DLGAP2: variants seen among roughly 807,000 people sequenced by gnomAD.
The protein encoded by DLGAP2 is disks large-associated protein 2.
DLGAP2 carries 26 observed loss-of-function variants against 100.3 expected under a neutral mutation model. The observed-to-expected ratio is 0.26, with a 90% confidence interval of 0.19 to 0.36. DLGAP2 has a LOEUF of 0.36. Ranked by LOEUF, DLGAP2 falls within the 10% of genes least tolerant of loss-of-function variation. DLGAP2 has a pLI of 1.00. For missense variants in DLGAP2, 1,858 were observed against 1,453.2 expected, an observed-to-expected ratio of 1.28 and a Z score of -4.53; for synonymous variants, 886 against 630.1, an observed-to-expected ratio of 1.41 and a Z score of -6.08.
intron 3 of DLGAP2, among the ~76,000 whole-genome samples, chr8:1,340,897 C>G (rs147263231): frequency 6.6e-6 from 1 of 152,282 alleles, no homozygotes; most frequent in Non-Finnish European, 1.5e-5. Context: ...GAATACTATG[C>G]AGACATAAAA....
intron 3 of DLGAP2, among the ~76,000 whole-genome samples, chr8:1,437,322 C>G (rs145096568): frequency 6.6e-6 from 1 of 152,242 alleles, no homozygotes; most frequent in Non-Finnish European, 1.5e-5. Context: ...TGTATCAGTG[C>G]GCTCCACAAT....
chr8:1,504,571 T>A (rs1007409632), intron 4 of DLGAP2, among the ~76,000 whole-genome samples: 1 of 152,204 alleles, frequency 6.6e-6, no homozygotes, highest in Non-Finnish European at 1.5e-5. Context: ...CTCTCTCTGT[T>A]GACCACTGTT....
chr8:1,549,697 C>A lies in DLGAP2; in HGVS notation c.1230+14C>A. ...CACTACCTCCAGGTAAGCAGGCTCA[C>A]GGCCCTGTGGAGGCCGTCTCGGCAC... is the stretch of plus-strand genomic sequence containing the variant. On this transcript the variant is annotated intron_variant, in intron 5 of 14. Transcript: ENST00000637795. 6.5e-7 allele frequency: 1 copy of A among 1,533,430 alleles called. No homozygotes were observed. 95.0% of individuals were successfully genotyped at this position (1,533,430 alleles called of 1,614,324 possible).
At chr8:1,268,929 C>T (rs930356426) in intron 3 of DLGAP2, among the ~76,000 whole-genome samples, 9 of 152,120 alleles carry the variant, frequency 5.9e-5, no homozygotes, top group South Asian at 2.1e-4. Flanking sequence ...CCAGAGCCAA[C>T]GGCAGTGGAA....
At chr8:1,286,047 A>G (rs151144378) in intron 3 of DLGAP2, among the ~76,000 whole-genome samples, 2,590 of 152,228 alleles carry the variant, frequency 0.017, 28 homozygotes, top group South Asian at 0.036. Context: ...CTGTGACTGC[A>G]CCGAAATCTC....
At chr8:1,352,457 G>A (rs1246867046) in intron 3 of DLGAP2, among the ~76,000 whole-genome samples, 1 of 152,114 alleles carries the variant, frequency 6.6e-6, no homozygotes, top group Non-Finnish European at 1.5e-5. Context: ...GTCACCGCTG[G>A]GTCTCAGCTC....
chr8:1,268,539 A>G (rs117351225), intron 3 of DLGAP2, among the ~76,000 whole-genome samples: 1 of 152,168 alleles, frequency 6.6e-6, no homozygotes, highest in South Asian at 2.1e-4. Context: ...AAATGAGAAC[A>G]TCATTCGTGC....
intron 3 of DLGAP2, among the ~76,000 whole-genome samples, chr8:1,496,948 G>T (rs1227992439): frequency 6.6e-6 from 1 of 151,826 alleles, no homozygotes; most frequent in Non-Finnish European, 1.5e-5. Flanking sequence ...GTCACACGTT[G>T]TGGAGTATGG....
At chr8:1,668,699 G>A (rs759513580) in intron 9 of DLGAP2, 21 bp downstream of exon 9, 34 of 1,500,398 alleles carry the variant, frequency 2.3e-5, no homozygotes, top group African/African-American at 4.2e-5. Context: ...TTGGCCGCCC[G>A]TCAGGGCCTC....
At chr8:1,026,293 C>T (rs1181012418) in intron 2 of DLGAP2, among the ~76,000 whole-genome samples, 1 of 152,198 alleles carries the variant, frequency 6.6e-6, no homozygotes, top group African/African-American at 2.4e-5. Flanking sequence ...CCCCATGACC[C>T]CAACGCTTTG....
intron 6 of DLGAP2, among the ~76,000 whole-genome samples, chr8:1,585,598 C>T (rs970162601): frequency 3.9e-5 from 6 of 152,328 alleles, no homozygotes; most frequent in Admixed American, 1.3e-4. Flanking sequence ...TTTAACCCAA[C>T]TGTGCCATTG....
intron 3 of DLGAP2, among the ~76,000 whole-genome samples, chr8:1,309,572 A>G (rs977125682): frequency 1.1e-4 from 17 of 152,232 alleles, no homozygotes; most frequent in Admixed American, 3.3e-4. Flanking sequence ...TTGCTCTACA[A>G]GAATGCGAAA....
intron 1 of DLGAP2, among the ~76,000 whole-genome samples, chr8:871,982 G>C (rs1797607148): frequency 1.3e-5 from 2 of 152,116 alleles, no homozygotes; most frequent in South Asian, 4.1e-4. Context: ...TACAGTTTTT[G>C]CGTTAGCTAT....
At chr8:1,232,143 C>T (rs936841999) in intron 2 of DLGAP2, among the ~76,000 whole-genome samples, 1 of 152,208 alleles carries the variant, frequency 6.6e-6, no homozygotes, top group Non-Finnish European at 1.5e-5. Flanking sequence ...CCAGCACTGT[C>T]CCCTTCACGA....
intron 2 of DLGAP2, among the ~76,000 whole-genome samples, chr8:1,172,636 A>T (rs191548323): frequency 2.6e-5 from 4 of 151,852 alleles, no homozygotes; most frequent in African/African-American, 9.7e-5. Context: ...CATTCATTTC[A>T]TCTTCCATCG....
intron 1 of DLGAP2, among the ~76,000 whole-genome samples, chr8:852,504 C>G (rs1445697973): frequency 6.6e-6 from 1 of 152,216 alleles, no homozygotes; most frequent in Non-Finnish European, 1.5e-5. Context: ...CTTGATTTTA[C>G]TCAAGATTCT....
intron 1 of DLGAP2, among the ~76,000 whole-genome samples, chr8:838,007 G>A (rs1441841979): frequency 1.3e-5 from 2 of 151,642 alleles, no homozygotes; most frequent in Non-Finnish European, 2.9e-5. Flanking sequence ...GGTTACAGGC[G>A]TGAGCCACTG....
At chr8:906,857 C>T (rs370665525) in intron 1 of DLGAP2, among the ~76,000 whole-genome samples, 10 of 152,302 alleles carry the variant, frequency 6.6e-5, no homozygotes, top group African/African-American at 2.4e-4. Context: ...TTTTCTGTCT[C>T]TGTTGATTTG....
intron 3 of DLGAP2, among the ~76,000 whole-genome samples, chr8:1,450,319 C>CT (rs1453410268): frequency 1.8e-5 from 2 of 110,760 alleles, no homozygotes; most frequent in African/African-American, 3.6e-5. Context: ...GTGGCTGAGG[C>CT]GGAGCTGTGA....
Sources: gnomAD v4.1 joint callset for allele counts (sites outside exome capture counted in the v4.1 genomes callset) on GRCh38, gnomAD v4.1.1 for gene constraint, MANE v1.5 for transcripts, NCBI Gene and HGNC (gene_info 2026-07-23, HGNC 2026-07-21) for gene names.